The following DACH2 variants were observed in gnomAD, a reference collection of about 807,000 sequenced individuals.
The protein encoded by DACH2 is dachshund family transcription factor 2.
In DACH2, 17 loss-of-function variants were observed where a neutral mutation model predicts 35.8. The observed-to-expected ratio is 0.48, with a 90% CI of 0.33 to 0.71. The LOEUF (loss-of-function observed/expected upper bound fraction) is 0.71, where lower values mean the gene tolerates loss of function less well. Among genes scored for constraint, DACH2 ranks in the 30% least tolerant of loss-of-function variants. The probability of loss-of-function intolerance (pLI) is 0.02; values close to 1 mark genes in which losing one functional copy is unlikely to be tolerated. For missense variants in DACH2, 469 were observed against 472.7 expected (o/e 0.99, Z 0.07); for synonymous variants, 195 against 177.3 (o/e 1.10, Z -0.79).
intron 2 of DACH2, among the ~76,000 whole-genome samples, chrX:86,457,770 A>G (rs142228652): frequency 6.1e-3 from 686 of 112,226 alleles, no homozygotes; most frequent in Non-Finnish European, 0.01. Context: ...ATAAAGTGGT[A>G]CTTGAACTTG....
intron 1 of DACH2, among the ~76,000 whole-genome samples, chrX:86,218,829 G>A (rs2032637483): frequency 9.0e-6 from 1 of 111,491 alleles, no homozygotes; most frequent in Non-Finnish European, 1.9e-5. Context: ...CAATGTTTAT[G>A]CTTAAAGGGA....
chrX:86,191,485 G>A (rs898463549), intron 1 of DACH2, among the ~76,000 whole-genome samples: 2 of 110,952 alleles, frequency 1.8e-5, no homozygotes, highest in Non-Finnish European at 3.8e-5. Flanking sequence ...GTAGGGTAGC[G>A]GGTGGGAGGA....
At chrX:86,562,078 C>G (rs768263383) in intron 3 of DACH2, among the ~76,000 whole-genome samples, 94 of 108,475 alleles carry the variant, frequency 8.7e-4, no homozygotes, top group African/African-American at 3.0e-3. Flanking sequence ...AGCTTCCCAC[C>G]AACACATACT....
At position 86,698,514 on chromosome X, in the gene DACH2, G is replaced by GTTTTTTT. The variant is rs1345238527; in HGVS notation, c.931+3339_931+3340insTTTTTTT. Among the ~76,000 whole-genome samples the GTTTTTTT allele has an allele frequency of 2.8e-3, 95 of 34,326 alleles. 1 individual carries two copies. Among genetic ancestry groups the GTTTTTTT allele is most frequent in the Non-Finnish European group, 4.0e-3 (81 of 20,259 alleles). The allele number at this position is 34,326 out of a possible 115,157, so 29.8% of individuals were successfully genotyped here. On this transcript the variant is annotated intron_variant, in intron 5 of 11. Transcript: ENST00000373125. ...TTAATTTCTTCTTTTTGTTTTGTTA[G>GTTTTTTT]TTTTGTGTTTTTTTTTTTTTTTTTT...
At chrX:86,619,771 T>G (rs2040048218) in intron 3 of DACH2, among the ~76,000 whole-genome samples, 1 of 112,195 alleles carries the variant, frequency 8.9e-6, no homozygotes, top group Admixed American at 9.5e-5. Flanking sequence ...GCATTTCATC[T>G]AGTTACTGTA....
intron 1 of DACH2, among the ~76,000 whole-genome samples, chrX:86,215,334 T>TCTTACTTA: frequency 9.0e-6 from 1 of 111,429 alleles, no homozygotes; most frequent in South Asian, 3.8e-4. Context: ...GTTTGCTAAG[T>TCTTACTTA]GAAACAAAAA....
intron 2 of DACH2, among the ~76,000 whole-genome samples, chrX:86,383,551 C>A (rs1439952968): frequency 9.9e-6 from 1 of 100,992 alleles, no homozygotes; most frequent in Admixed American, 1.1e-4. Context: ...GTCTTGACCA[C>A]TGACTTCAAG....
chrX:86,402,170 G>A (rs186360384), intron 2 of DACH2, among the ~76,000 whole-genome samples: 207 of 111,501 alleles, frequency 1.9e-3, no homozygotes, highest in Non-Finnish European at 3.1e-3. Context: ...ACATAGTGGC[G>A]GAGGTTTTAA....
chrX:86,786,608 A>C (rs1269450412), intron 7 of DACH2, among the ~76,000 whole-genome samples: 1 of 112,461 alleles, frequency 8.9e-6, no homozygotes, highest in Non-Finnish European at 1.9e-5. Flanking sequence ...TGCTGGTTAA[A>C]TTATTTACAA....
rs191381206 is a variant in DACH2 at position 86,173,006 on chromosome X, A to T, written c.488+23898A>T. On this transcript the variant is annotated intron_variant, in intron 1 of 11. Coordinates refer to ENST00000373125, the MANE Select transcript of DACH2 (RefSeq NM_053281.3). ...GACAACAGCATAATATTGAAGCATA[A>T]AATTTAAGTATAAAACTGGGATCCA... 2.4e-3 allele frequency among the ~76,000 whole-genome samples: 266 copies of T among 112,188 alleles called. 1 individual carries two copies. The highest frequency in any genetic ancestry group is 4.6e-3 in the Middle Eastern group (1 of 218).
intron 1 of DACH2, among the ~76,000 whole-genome samples, chrX:86,324,230 G>A (rs1569349033): frequency 8.9e-6 from 1 of 111,889 alleles, no homozygotes; most frequent in East Asian, 2.8e-4. Flanking sequence ...GAAAGAGCAA[G>A]AGAACTAGAT....
chrX:86,498,885 T>G (rs920289974), intron 2 of DACH2, among the ~76,000 whole-genome samples: 1 of 112,115 alleles, frequency 8.9e-6, no homozygotes, highest in Admixed American at 9.5e-5. Context: ...AAGTTTTGTC[T>G]TTGTTGTTCT....
In DACH2 at chrX:86,704,329, G is replaced by A. The variant is rs192350198; in HGVS notation, c.931+9150G>A. Among the ~76,000 whole-genome samples, 672 of 110,854 alleles carry A rather than the reference G, an allele frequency of 6.1e-3. 7 individuals carry two copies. The highest frequency in any genetic ancestry group is 0.021 in the African/African-American group (637 of 30,614). ...ATTAAAGACTTAAATCTAAGACCTC[G>A]ATTAATAAAAATTCTAGAAGAAAAC... On this transcript the variant is annotated intron_variant, in intron 5 of 11. Transcript: ENST00000373125.
intron 4 of DACH2, among the ~76,000 whole-genome samples, chrX:86,667,552 GAAAGAAAGAAAGAAAGA>G (rs2148421342): frequency 2.2e-5 from 1 of 45,523 alleles, no homozygotes; most frequent in African/African-American, 1.1e-4. Context: ...AAAGAAGAAA[GAAAGAAAGAAAGAAAGA>G]AAGAAAGAAA....
chrX:86,286,141 A>G (rs1325304202), intron 1 of DACH2, among the ~76,000 whole-genome samples: 7 of 303 alleles, frequency 0.023, no homozygotes, highest in Non-Finnish European at 0.049. Context: ...TTTTTTTTTG[A>G]GACGGATCTC....
At chrX:86,633,673 C>T (rs1418996484) in intron 3 of DACH2, among the ~76,000 whole-genome samples, 1 of 111,048 alleles carries the variant, frequency 9.0e-6, no homozygotes, top group African/African-American at 3.3e-5. Context: ...AACTACAGGC[C>T]AATATCCCCA....
chrX:86,804,775 A>T (rs2042326480), intron 7 of DACH2, among the ~76,000 whole-genome samples: 1 of 112,770 alleles, frequency 8.9e-6, no homozygotes, highest in African/African-American at 3.2e-5. Context: ...GAAACCTAGC[A>T]GCGCAGTCAT....
In DACH2 at chrX:86,812,903, A is replaced by T. The variant is rs2042408282; in HGVS notation, c.1288A>T (p.Ile430Leu). The T allele has an allele frequency of 2.5e-6, 3 of 1,205,692 alleles. No homozygotes were observed. The highest frequency in any genetic ancestry group is 3.4e-6 in the Non-Finnish European group (3 of 892,614). Residue 430 changes from isoleucine (I) to leucine (L), a missense_variant, in exon 8 of 12, where the codon ATA becomes TTA. This residue lies in a region of DACH2 where 363 missense variants were observed against 334.4 expected (regional missense o/e 1.09). Transcript: ENST00000373125. ...IPIMKSPLDK[I>L]QLTPGQALPA... Reference sequence around the variant, plus strand: ...AATAATGAAGTCACCCTTGGACAAGATACAGCTGACTCCTGGGCAGGCATT... The same window carrying T: ...AATAATGAAGTCACCCTTGGACAAGTTACAGCTGACTCCTGGGCAGGCATT...
At chrX:86,188,448 G>T (rs759668947) in intron 1 of DACH2, among the ~76,000 whole-genome samples, 2 of 111,775 alleles carry the variant, frequency 1.8e-5, no homozygotes, top group Non-Finnish European at 3.8e-5. Flanking sequence ...GATATCAGTT[G>T]TTATCTTTAA....
Sources: gnomAD v4.1 joint callset for allele counts (sites outside exome capture counted in the v4.1 genomes callset) on GRCh38, gnomAD v4.1.1 for gene constraint, gnomAD v4.1.1 regional missense constraint, MANE v1.5 for transcripts, NCBI Gene and HGNC (gene_info 2026-07-23, HGNC 2026-07-21) for gene names.